The following RASSF3 variants were observed in gnomAD, a reference collection of about 807,000 sequenced individuals.
RASSF3 encodes the protein ras association domain-containing protein 3.
Under a neutral mutation model 19.9 loss-of-function variants are expected in RASSF3, and 19 were observed. The observed-to-expected ratio is 0.96, with a 90% CI of 0.67 to 1.40. The LOEUF is 1.40. Ranked by LOEUF, RASSF3 falls within the 40% of genes most tolerant of loss-of-function variation. The pLI is 0.00. For synonymous variants in RASSF3, 110 were observed against 104.2 expected (o/e 1.06, Z -0.34); for missense variants, 306 against 289.8 (o/e 1.06, Z -0.41).
At chr12:64,692,312 G>T (rs965259449) in intron 4 of RASSF3, among the ~76,000 whole-genome samples, 1 of 152,258 alleles carries the variant, frequency 6.6e-6, no homozygotes, top group Non-Finnish European at 1.5e-5. Context: ...TAAAAGTTAG[G>T]AAACGGCTCT....
chr12:64,529,798 T>C (rs2136108834), upstream of RASSF3, among the ~76,000 whole-genome samples: 2 of 152,278 alleles, frequency 1.3e-5, 1 homozygote, highest in African/African-American at 4.8e-5. Context: ...GAAAATATTT[T>C]TGGAAAAATA....
intron 1 of RASSF3, among the ~76,000 whole-genome samples, chr12:64,682,598 T>TA (rs775344412): frequency 1.3e-5 from 2 of 149,770 alleles, no homozygotes; most frequent in East Asian, 2.0e-4. Flanking sequence ...GTCACCGAGA[T>TA]AATTTGTAGT....
intron 1 of RASSF3, among the ~76,000 whole-genome samples, chr12:64,670,250 G>A (rs1403123330): frequency 6.6e-6 from 1 of 152,070 alleles, no homozygotes; most frequent in Non-Finnish European, 1.5e-5. Context: ...CCCAGGAGCA[G>A]CACATCAAAG....
chr12:64,681,468 T>C (rs1873123915), intron 1 of RASSF3, among the ~76,000 whole-genome samples: 1 of 152,200 alleles, frequency 6.6e-6, no homozygotes, highest in Middle Eastern at 3.2e-3. Context: ...GACCCAGGAC[T>C]GGGGCCCAAG....
chr12:64,525,371 T>C (rs1868562600), intron 1 of RASSF3, among the ~76,000 whole-genome samples: 1 of 152,252 alleles, frequency 6.6e-6, no homozygotes, highest in Non-Finnish European at 1.5e-5. Flanking sequence ...TCTTAAAATC[T>C]GGTTTCAAGA....
upstream of RASSF3, among the ~76,000 whole-genome samples, chr12:64,529,933 A>G (rs1868669725): frequency 6.6e-6 from 1 of 152,152 alleles, no homozygotes; most frequent in South Asian, 2.1e-4. Context: ...TTTTCTTGCT[A>G]GTACTATGCT....
chr12:64,553,167 A>C (rs921252912), intron 2 of RASSF3, among the ~76,000 whole-genome samples: 19 of 152,134 alleles, frequency 1.2e-4, no homozygotes, highest in Admixed American at 1.2e-3. Flanking sequence ...ATATCACATG[A>C]TATTTTATAT....
intron 2 of RASSF3, among the ~76,000 whole-genome samples, chr12:64,559,866 A>G: frequency 6.6e-6 from 1 of 152,226 alleles, no homozygotes. Context: ...TAATTCTTAT[A>G]GGTCCTTTGA....
At position 64,696,118 on chromosome 12, in the gene RASSF3, C is replaced by T. The variant is rs2682726; in HGVS notation, c.*1206C>T. The T allele has an allele frequency of 1.1e-5, 1 of 89,756 alleles. No homozygotes were observed. The highest frequency in any genetic ancestry group is 2.2e-5 in the Non-Finnish European group (1 of 45,828). The allele number at this position is 89,756 out of a possible 1,614,324, so 5.6% of individuals were successfully genotyped here. A position where few individuals can be genotyped will look rare whatever the true frequency, so the allele number is the denominator to read the frequency against. On this transcript the variant is annotated 3_prime_UTR_variant, in exon 5 of 5. Coordinates refer to ENST00000542104, the MANE Select transcript of RASSF3 (RefSeq NM_178169.4). Reference sequence around the variant, plus strand: ...CCCTCCCTCCCTCCCTCCCTCCCTCCCTCCTTCCCTCCCTCTCTCTCCCTC... The same window carrying T: ...CCCTCCCTCCCTCCCTCCCTCCCTCTCTCCTTCCCTCCCTCTCTCTCCCTC...
chr12:64,553,350 G>T (rs1349897233), intron 2 of RASSF3, among the ~76,000 whole-genome samples: 1 of 152,104 alleles, frequency 6.6e-6, no homozygotes, highest in African/African-American at 2.4e-5. Flanking sequence ...TGGACCGGGG[G>T]GTTAAATATT....
At chr12:64,577,052 C>A (rs1370978153) in intron 2 of RASSF3, among the ~76,000 whole-genome samples, 2 of 151,914 alleles carry the variant, frequency 1.3e-5, no homozygotes, top group African/African-American at 4.8e-5. Flanking sequence ...AAAATGATTC[C>A]CAAAATTGTT....
At chr12:64,566,225 T>G (rs1257134904) in intron 2 of RASSF3, among the ~76,000 whole-genome samples, 2 of 152,118 alleles carry the variant, frequency 1.3e-5, no homozygotes, top group Non-Finnish European at 2.9e-5. Context: ...CTGACAGAAC[T>G]CTATTTAGAA....
intron 2 of RASSF3, among the ~76,000 whole-genome samples, chr12:64,604,210 T>C (rs1350496742): frequency 1.3e-5 from 2 of 150,808 alleles, no homozygotes; most frequent in African/African-American, 4.9e-5. Flanking sequence ...ACTGTAGCCT[T>C]GACCTCCCAG....
chr12:64,688,510 T>C (rs1873449704), intron 3 of RASSF3, 57 bp downstream of exon 3: 1 of 1,233,228 alleles, frequency 8.1e-7, no homozygotes, highest in East Asian at 2.3e-5. Flanking sequence ...TCTGCTGTTC[T>C]CATTAGCAGA....
At chr12:64,586,233 A>G (rs1869796613) in intron 2 of RASSF3, among the ~76,000 whole-genome samples, 1 of 151,552 alleles carries the variant, frequency 6.6e-6, no homozygotes. Flanking sequence ...CTGAGGCAGG[A>G]GAATTGCTTG....
At chr12:64,629,230 T>A (rs1871091663) in intron 1 of RASSF3, among the ~76,000 whole-genome samples, 2 of 151,770 alleles carry the variant, frequency 1.3e-5, no homozygotes, top group Admixed American at 1.3e-4. Flanking sequence ...GCCTCCCGAG[T>A]AGCTAGGACT....
At chr12:64,562,527 C>T (rs1474977831) in intron 2 of RASSF3, among the ~76,000 whole-genome samples, 1 of 152,190 alleles carries the variant, frequency 6.6e-6, no homozygotes, top group Non-Finnish European at 1.5e-5. Flanking sequence ...TCTCTACCCC[C>T]ATCTTTCTCT....
chr12:64,604,397 A>T (rs770314954), intron 2 of RASSF3, among the ~76,000 whole-genome samples: 53 of 152,134 alleles, frequency 3.5e-4, no homozygotes, highest in Non-Finnish European at 6.9e-4. Flanking sequence ...AAATGGTAGG[A>T]TTACAGGTGT....
At chr12:64,513,084 A>G (rs1868338115) in intron 1 of RASSF3, among the ~76,000 whole-genome samples, 1 of 152,134 alleles carries the variant, frequency 6.6e-6, no homozygotes, top group Admixed American at 6.6e-5. Flanking sequence ...GGGCTGAGAA[A>G]TGTTCTCAGA....
Sources: gnomAD v4.1 joint callset for allele counts (sites outside exome capture counted in the v4.1 genomes callset) on GRCh38, gnomAD v4.1.1 for gene constraint, MANE v1.5 for transcripts, NCBI Gene and HGNC (gene_info 2026-07-23, HGNC 2026-07-21) for gene names.